IMMP2L: variants seen among roughly 807,000 people sequenced by gnomAD.
IMMP2L encodes the protein inner mitochondrial membrane peptidase subunit 2, also known as mitochondrial inner membrane protease subunit 2.
IMMP2L carries 18 observed loss-of-function variants against 19.3 expected under a neutral mutation model. The observed-to-expected ratio is 0.93, with a 90% CI of 0.64 to 1.38. IMMP2L has a LOEUF of 1.38. Ranked by LOEUF, IMMP2L falls within the 40% of genes most tolerant of loss-of-function variation. The pLI is 0.00. For missense variants in IMMP2L, 233 were observed against 218.2 expected (o/e 1.07, Z -0.43); for synonymous variants, 76 against 73.0 (o/e 1.04, Z -0.21).
At chr7:110,815,381 A>G in intron 5 of IMMP2L, among the ~76,000 whole-genome samples, 1 of 151,986 alleles carries the variant, frequency 6.6e-6, no homozygotes, top group Non-Finnish European at 1.5e-5. Context: ...TATTTTATTG[A>G]GGATTTTTGC....
At chr7:111,038,008 A>T (rs931080137) in intron 3 of IMMP2L, among the ~76,000 whole-genome samples, 1 of 152,172 alleles carries the variant, frequency 6.6e-6, no homozygotes, top group Admixed American at 6.6e-5. Context: ...TCTGTCCCAT[A>T]GGCCAGTGTG....
intron 5 of IMMP2L, among the ~76,000 whole-genome samples, chr7:110,794,723 G>A (rs970854135): frequency 8.6e-5 from 13 of 152,014 alleles, no homozygotes; most frequent in African/African-American, 2.9e-4. Flanking sequence ...AATAAGGAAA[G>A]TGTAAGAATG....
chr7:111,334,373 C>T (rs572617094), intron 3 of IMMP2L, among the ~76,000 whole-genome samples: 2 of 152,018 alleles, frequency 1.3e-5, no homozygotes, highest in South Asian at 2.1e-4. Context: ...GTTTCATCCA[C>T]GTTGCTGTAC....
At chr7:110,898,262 G>A (rs1036383813) in intron 4 of IMMP2L, among the ~76,000 whole-genome samples, 10 of 151,956 alleles carry the variant, frequency 6.6e-5, no homozygotes, top group African/African-American at 2.4e-4. Context: ...ACTTATAAAA[G>A]CTAGGAGTAT....
chr7:110,853,702 G>A (rs1310844015), intron 5 of IMMP2L, among the ~76,000 whole-genome samples: 1 of 151,960 alleles, frequency 6.6e-6, no homozygotes, highest in East Asian at 1.9e-4. Flanking sequence ...GAAGCACCTG[G>A]TGAAAACAGA....
chr7:111,395,489 A>G (rs1372869592), intron 3 of IMMP2L, among the ~76,000 whole-genome samples: 3 of 152,186 alleles, frequency 2.0e-5, no homozygotes, highest in Non-Finnish European at 4.4e-5. Context: ...TGAATGTGCT[A>G]GTATAAGAAA....
intron 5 of IMMP2L, among the ~76,000 whole-genome samples, chr7:110,768,549 G>C (rs1160270475): frequency 1.3e-5 from 2 of 152,046 alleles, no homozygotes; most frequent in African/African-American, 4.8e-5. Flanking sequence ...TAGCCATAAT[G>C]AACTACTTTT....
chr7:110,739,123 C>A (rs1204335959), intron 5 of IMMP2L, among the ~76,000 whole-genome samples: 3 of 152,104 alleles, frequency 2.0e-5, no homozygotes, highest in African/African-American at 7.2e-5. Context: ...AAGCATAAAT[C>A]TCACAGGATC....
chr7:111,491,221 G>A (rs968293688), intron 2 of IMMP2L, among the ~76,000 whole-genome samples: 2 of 151,960 alleles, frequency 1.3e-5, no homozygotes, highest in African/African-American at 4.8e-5. Flanking sequence ...AATACATATA[G>A]CATATAAAAA....
chr7:111,516,652 C>A (rs757905938), intron 2 of IMMP2L, among the ~76,000 whole-genome samples: 4 of 152,076 alleles, frequency 2.6e-5, no homozygotes, highest in Non-Finnish European at 4.4e-5. Flanking sequence ...ATTTATCACT[C>A]ACCAACTGTT....
intron 3 of IMMP2L, among the ~76,000 whole-genome samples, chr7:111,233,619 G>A (rs1037707859): frequency 2.6e-5 from 4 of 151,950 alleles, no homozygotes; most frequent in East Asian, 1.9e-4. Context: ...GCCAAAATAC[G>A]AATTTTAAAT....
At chr7:110,743,790 A>G (rs985309864) in intron 5 of IMMP2L, among the ~76,000 whole-genome samples, 1 of 151,646 alleles carries the variant, frequency 6.6e-6, no homozygotes, top group Non-Finnish European at 1.5e-5. Context: ...TGGTGCCTAC[A>G]CCACCAGAGC....
chr7:111,268,569 C>CTTTTTTTT lies in IMMP2L; in HGVS notation c.239+218661_239+218668dup, dbSNP rs762576425. On this transcript the variant is annotated intron_variant, in intron 3 of 5. Coordinates refer to ENST00000405709, the MANE Select transcript of IMMP2L (RefSeq NM_032549.4). ...GATATGAGTTAAACTTCACATTTCT[C>CTTTTTTTT]TTTTTTTTTTTTTTTTTTTTTTTTT... is the stretch of plus-strand genomic sequence containing the variant. Among the ~76,000 whole-genome samples, 210 of 44,590 alleles carry CTTTTTTTT rather than the reference C, an allele frequency of 4.7e-3. 40 individuals carry two copies. The highest frequency in any genetic ancestry group is 6.1e-3 in the Non-Finnish European group (162 of 26,634). 29.3% of individuals were successfully genotyped at this position (44,590 alleles called of 152,430 possible).
intron 2 of IMMP2L, among the ~76,000 whole-genome samples, chr7:111,516,479 C>T (rs1845877875): frequency 6.6e-6 from 1 of 152,026 alleles, no homozygotes; most frequent in Admixed American, 6.6e-5. Context: ...GTTCTACGCA[C>T]TACTCTTGCA....
chr7:111,447,421 G>T (rs1423252935), intron 3 of IMMP2L, among the ~76,000 whole-genome samples: 1 of 150,276 alleles, frequency 6.7e-6, no homozygotes, highest in Non-Finnish European at 1.5e-5. Flanking sequence ...TTAAAGAAAA[G>T]AATTTTCAAC....
chr7:111,126,630 T>G (rs1215481888), intron 3 of IMMP2L, among the ~76,000 whole-genome samples: 1 of 152,098 alleles, frequency 6.6e-6, no homozygotes, highest in African/African-American at 2.4e-5. Flanking sequence ...CATTTAAAAA[T>G]CTTATATAGG....
rs146367698 is a variant in IMMP2L, at chr7:111,132,491, T to C, written c.240-168926A>G. ...AAACTTCTCTTCAACATTTTCATCC[T>C]TGTGAGTACTGACACTATAGGCATG... On this transcript the variant is annotated intron_variant, in intron 3 of 5. Transcript: ENST00000405709. 9.0e-3 allele frequency among the ~76,000 whole-genome samples: 1,372 copies of C among 152,150 alleles called. 18 individuals carry two copies. The highest frequency in any genetic ancestry group is 0.03 in the African/African-American group (1,232 of 41,544).
chr7:111,081,154 A>G (rs1795857631), intron 3 of IMMP2L, among the ~76,000 whole-genome samples: 1 of 152,202 alleles, frequency 6.6e-6, no homozygotes, highest in South Asian at 2.1e-4. Flanking sequence ...TAAATGCTAG[A>G]AAACTATTTA....
At position 111,087,573 on chromosome 7, in the gene IMMP2L, A is replaced by C. The variant is rs1219760302; in HGVS notation, c.240-124008T>G. On this transcript the variant is annotated intron_variant, in intron 3 of 5. Transcript: ENST00000405709. ...TTTTTGAAGTTAATATATATAAAAT[A>C]TACAAATATATGTTAGTGCTCGACA... Among the ~76,000 whole-genome samples, 3 of 152,190 alleles carry C rather than the reference A, an allele frequency of 2.0e-5. No homozygotes were observed. In the East Asian group the frequency reaches 5.8e-4, roughly 29 times the overall value.
Sources: gnomAD v4.1 joint callset for allele counts (sites outside exome capture counted in the v4.1 genomes callset) on GRCh38, gnomAD v4.1.1 for gene constraint, MANE v1.5 for transcripts, NCBI Gene and HGNC (gene_info 2026-07-23, HGNC 2026-07-21) for gene names.